The following TP53BP1 variants were observed in gnomAD, a reference collection of about 807,000 sequenced individuals.
The protein encoded by TP53BP1 is tumor protein p53 binding protein 1, also known as TP53-binding protein 1.
A neutral mutation model predicts 200.8 loss-of-function variants in TP53BP1; 61 were observed. The observed-to-expected ratio is 0.30, with a 90% CI of 0.25 to 0.38. The LOEUF is 0.38. TP53BP1 is among the 10% of genes least tolerant of loss of function. The probability of loss-of-function intolerance (pLI) is 1.00; values close to 1 mark genes in which losing one functional copy is unlikely to be tolerated. For synonymous variants in TP53BP1, 822 were observed against 844.3 expected (o/e 0.97, Z 0.46); for missense variants, 2,144 against 2,371.9 (o/e 0.90, Z 2.00).
intron 12 of TP53BP1, among the ~76,000 whole-genome samples, chr15:43,452,241 GATTT>G (rs1248831117): frequency 1.3e-5 from 2 of 152,114 alleles, no homozygotes; most frequent in East Asian, 1.9e-4. Flanking sequence ...TCTTCTGAAT[GATTT>G]ATTTTATACA....
Position 43,406,527 on chromosome 15 carries a change from C to G in TP53BP1, c.*856G>C, listed in dbSNP as rs775591396. ...GTCTATGGTTGCTTTCATGCCCTCA[C>G]AGCAAAGGCGAGTAGTTGTGATGGA... On this transcript the variant is annotated 3_prime_UTR_variant, in exon 28 of 28. Coordinates refer to ENST00000382044, the MANE Select transcript of TP53BP1 (RefSeq NM_001141980.3). 2.1e-4 allele frequency: 97 copies of G among 452,746 alleles called. No individual in the cohort carries two copies. The highest frequency in any genetic ancestry group is 3.7e-4 in the Non-Finnish European group (84 of 225,694). The allele number at this position is 452,746 out of a possible 1,614,324, so 28.0% of individuals were successfully genotyped here. A position where few individuals can be genotyped will look rare whatever the true frequency, so the allele number is the denominator to read the frequency against.
intron 1 of TP53BP1, among the ~76,000 whole-genome samples, chr15:43,501,253 G>A (rs1335271539): frequency 6.6e-6 from 1 of 151,090 alleles, no homozygotes; most frequent in Non-Finnish European, 1.5e-5. Flanking sequence ...CGAGGCTAGA[G>A]TGCAATGGCT....
At chr15:43,467,291 T>C (rs2046607714) in intron 11 of TP53BP1, among the ~76,000 whole-genome samples, 1 of 152,096 alleles carries the variant, frequency 6.6e-6, no homozygotes, top group African/African-American at 2.4e-5. Context: ...CTCAAACTCC[T>C]GGGCTCACGT....
intron 1 of TP53BP1, among the ~76,000 whole-genome samples, chr15:43,501,912 G>A (rs559515124): frequency 6.6e-5 from 10 of 152,138 alleles, no homozygotes; most frequent in Non-Finnish European, 1.3e-4. Context: ...TAAACAATTC[G>A]TTTTGTGAAC....
rs1420222212 is a variant in TP53BP1 at position 43,404,518 on chromosome 15, AAAT to A, written c.*2862_*2864del. ...ACTACTGTTACGACTAGATTATAAC[AAAT>A]ACTATACCCAGGCTGGTGGAACTCT... On this transcript the variant is annotated 3_prime_UTR_variant, in exon 28 of 28. Coordinates refer to ENST00000382044, the MANE Select transcript of TP53BP1 (RefSeq NM_001141980.3). 1 of 1,614,076 alleles carries A rather than the reference AAAT, an allele frequency of 6.2e-7. No homozygotes were observed. The highest frequency in any genetic ancestry group is 8.5e-7 in the Non-Finnish European group (1 of 1,180,046).
chr15:43,466,174 A>G (rs1432737203), intron 11 of TP53BP1, among the ~76,000 whole-genome samples: 2 of 152,204 alleles, frequency 1.3e-5, no homozygotes, highest in Non-Finnish European at 2.9e-5. Flanking sequence ...TCCAACACAG[A>G]CAGGTAAGGA....
At chr15:43,480,563 T>C (rs2078949645) in intron 5 of TP53BP1, among the ~76,000 whole-genome samples, 1 of 152,224 alleles carries the variant, frequency 6.6e-6, no homozygotes, top group South Asian at 2.1e-4. Flanking sequence ...CTACGTCTGC[T>C]TTCTAAAGGT....
chr15:43,480,345 G>A (rs551580356), intron 5 of TP53BP1, among the ~76,000 whole-genome samples: 1 of 152,242 alleles, frequency 6.6e-6, no homozygotes, highest in African/African-American at 2.4e-5. Flanking sequence ...CTACTCGGGA[G>A]GCTGAAGCAC....
In TP53BP1 at chr15:43,475,482, A is replaced by C. The variant is rs1036487866; in HGVS notation, c.1085+83T>G. On this transcript the variant is annotated intron_variant, in intron 9 of 27. Coordinates refer to ENST00000382044, the MANE Select transcript of TP53BP1 (RefSeq NM_001141980.3). ...GTTTCAAAAAGAATTCTAGACTAGCAGATAAGTTTAGCCTCTTTCAGCCTT... is the reference window on the plus strand; with the variant it reads ...GTTTCAAAAAGAATTCTAGACTAGCCGATAAGTTTAGCCTCTTTCAGCCTT... 5.4e-5 allele frequency: 80 copies of C among 1,486,630 alleles called. No homozygotes were observed. The African/African-American group carries it at 9.9e-4, about 18-fold the overall frequency. 92.1% of individuals were successfully genotyped at this position (1,486,630 alleles called of 1,614,324 possible). A position where few individuals can be genotyped will look rare whatever the true frequency, so the allele number is the denominator to read the frequency against.
intron 23 of TP53BP1, 176 bp downstream of exon 23, chr15:43,415,418 G>A: frequency 1.4e-6 from 1 of 727,818 alleles, no homozygotes. Context: ...TGTAGGGGAT[G>A]GGGGAGGAGG....
rs541940481 is a variant in TP53BP1, at chr15:43,509,521, G to C, written c.-9+849C>G. ...CCTCCCGGGTTCAAGTGGTTCTCCT[G>C]CCTCAGCCTCCCGAGTAGCTGGGAT... is the stretch of plus-strand genomic sequence containing the variant. On this transcript the variant is annotated intron_variant, in intron 1 of 27. Transcript: ENST00000263801. Among the ~76,000 whole-genome samples, 85 of 152,212 alleles carry C rather than the reference G, an allele frequency of 5.6e-4. 1 individual carries two copies. The highest frequency in any genetic ancestry group is 2.0e-3 in the African/African-American group (82 of 41,520).
chr15:43,469,505 C>G (rs2046670258), intron 11 of TP53BP1, among the ~76,000 whole-genome samples: 1 of 151,548 alleles, frequency 6.6e-6, no homozygotes, highest in African/African-American at 2.4e-5. Context: ...GTGTCATAGG[C>G]AAAAAAATTT....
intron 11 of TP53BP1, among the ~76,000 whole-genome samples, chr15:43,464,775 G>A (rs1276351961): frequency 2.0e-5 from 3 of 152,072 alleles, no homozygotes; most frequent in East Asian, 3.9e-4. Flanking sequence ...AGGCATGGTG[G>A]TGCATGCCTG....
rs540671295 is a variant in TP53BP1, at chr15:43,451,510, G to A, written c.2717-4025C>T. 3.6e-3 allele frequency among the ~76,000 whole-genome samples: 547 copies of A among 152,208 alleles called. 3 individuals are homozygous for A. The highest frequency in any genetic ancestry group is 0.012 in the African/African-American group (514 of 41,536). ...TCATCCATGTCCCTACAAAGGACACGAACTCATCATTTTTTATGGCTGCAT... is the reference window on the plus strand; with the variant it reads ...TCATCCATGTCCCTACAAAGGACACAAACTCATCATTTTTTATGGCTGCAT... On this transcript the variant is annotated intron_variant, in intron 12 of 27. Coordinates refer to ENST00000382044, the MANE Select transcript of TP53BP1 (RefSeq NM_001141980.3).
At chr15:43,424,292 C>T (rs1454187148) in intron 18 of TP53BP1, among the ~76,000 whole-genome samples, 1 of 151,330 alleles carries the variant, frequency 6.6e-6, no homozygotes, top group African/African-American at 2.4e-5. Flanking sequence ...CTATTTGCCA[C>T]TTTCTTAAAA....
intron 12 of TP53BP1, among the ~76,000 whole-genome samples, chr15:43,453,613 T>C (rs2046224561): frequency 1.3e-5 from 2 of 151,896 alleles, no homozygotes; most frequent in Admixed American, 1.3e-4. Context: ...AGTCTCATTC[T>C]GTCACCTAAG....
Position 43,409,734 on chromosome 15 carries a change from CA to C in TP53BP1, c.5312del (p.Leu1771TrpfsTer39). The C allele has an allele frequency of 6.6e-7, 1 of 1,510,396 alleles. No homozygotes were observed. Among genetic ancestry groups the C allele is most frequent in the Non-Finnish European group, 9.0e-7 (1 of 1,117,178 alleles). The allele number at this position is 1,510,396 out of a possible 1,614,324, so 93.6% of individuals were successfully genotyped here. ...ACTGCTTGTTGAAAGGAGGAATTTC[CA>C]AAAATTCTATATTAAAAAAAAAAAC... ...TGSSEEEEEF[L>X]EIPPFNKQYT... On this transcript the variant is annotated frameshift_variant, in exon 25 of 28. Coordinates refer to ENST00000382044, the MANE Select transcript of TP53BP1 (RefSeq NM_001141980.3). LOFTEE classifies it high-confidence loss of function.
At chr15:43,409,596 G>T in intron 25 of TP53BP1, 51 bp downstream of exon 25, 1 of 1,026,108 alleles carries the variant, frequency 9.7e-7, no homozygotes, top group Non-Finnish European at 1.4e-6. Flanking sequence ...AACACAGCAA[G>T]TTGGCTCTTA....
At chr15:43,492,886 C>A in intron 1 of TP53BP1, 151 bp downstream of exon 1, 1 of 920,866 alleles carries the variant, frequency 1.1e-6, no homozygotes, top group Non-Finnish European at 1.7e-6. Context: ...TCTTAGCTAA[C>A]GTTTCCCCAC....
Sources: allele counts gnomAD v4.1 joint callset (sites outside exome capture counted in the v4.1 genomes callset), GRCh38; gene constraint gnomAD v4.1.1; transcripts MANE v1.5; gene names NCBI Gene and HGNC (gene_info 2026-07-23, HGNC 2026-07-21).